CES5A: variants seen among roughly 807,000 people sequenced by gnomAD.
CES5A encodes the protein carboxylesterase 5A.
In CES5A, 67 loss-of-function variants were observed where a neutral mutation model predicts 62.9. The observed-to-expected ratio is 1.07, with a 90% CI of 0.88 to 1.31. CES5A has a LOEUF of 1.31. CES5A is among the 50% of genes most tolerant of loss of function. The pLI, the probability that CES5A is intolerant of heterozygous loss-of-function variation, is 0.00. For missense variants in CES5A, 748 were observed against 708.5 expected (o/e 1.06, Z -0.63); for synonymous variants, 296 against 280.8 (o/e 1.05, Z -0.54).
intron 1 of CES5A, among the ~76,000 whole-genome samples, chr16:55,907,587 A>C (rs1304036291): frequency 2.6e-5 from 4 of 152,232 alleles, no homozygotes; most frequent in African/African-American, 9.6e-5. Flanking sequence ...CATGCAATCA[A>C]ATGGTTCATC....
In CES5A at chr16:55,869,447, T is replaced by A. The variant is rs1249922848; in HGVS notation, c.551+164A>T. The A allele has an allele frequency of 2.3e-6, 3 of 1,287,444 alleles. No homozygotes were observed. The African/African-American group carries it at 4.5e-5, about 20-fold the overall frequency. 79.8% of individuals were successfully genotyped at this position (1,287,444 alleles called of 1,614,324 possible). A position where few individuals can be genotyped will look rare whatever the true frequency, so the allele number is the denominator to read the frequency against. On this transcript the variant is annotated intron_variant, in intron 4 of 12. Coordinates refer to ENST00000290567, the MANE Select transcript of CES5A (RefSeq NM_001143685.2). ...TTATTGTTTCAAGCCACCAACATTT[T>A]GGGATTTATCTGCTACAGCTGCAAA...
At chr16:55,934,108 G>T (rs1190184475) in intron 2 of CES5A, among the ~76,000 whole-genome samples, 1 of 152,086 alleles carries the variant, frequency 6.6e-6, no homozygotes, top group African/African-American at 2.4e-5. Context: ...TTCCTTGACT[G>T]TCCTATTTAA....
At chr16:55,921,013 G>A (rs2142459237) in intron 1 of CES5A, among the ~76,000 whole-genome samples, 1 of 152,186 alleles carries the variant, frequency 6.6e-6, no homozygotes, top group South Asian at 2.1e-4. Flanking sequence ...ACAACAGAAT[G>A]GATCAAGCAA....
upstream of CES5A, among the ~76,000 whole-genome samples, chr16:55,877,604 C>T (rs144124502): frequency 4.4e-3 from 669 of 152,174 alleles, 5 homozygotes; most frequent in Middle Eastern, 6.8e-3. Flanking sequence ...CTAGGTACCA[C>T]TTCTGTCGCA....
chr16:55,912,664 C>T (rs992159785), intron 1 of CES5A, among the ~76,000 whole-genome samples: 2 of 152,006 alleles, frequency 1.3e-5, no homozygotes, highest in Non-Finnish European at 1.5e-5. Flanking sequence ...GAAGAAATAG[C>T]GACCTGGGAA....
At chr16:55,921,854 T>A (rs552105824) in intron 1 of CES5A, among the ~76,000 whole-genome samples, 4 of 152,060 alleles carry the variant, frequency 2.6e-5, no homozygotes, top group South Asian at 4.2e-4. Flanking sequence ...AATATGTAAG[T>A]TGAGACAAAT....
At chr16:55,903,364 T>C (rs2034009536) in intron 1 of CES5A, among the ~76,000 whole-genome samples, 1 of 152,184 alleles carries the variant, frequency 6.6e-6, no homozygotes, top group African/African-American at 2.4e-5. Flanking sequence ...TTTAACAAAC[T>C]AGTTAATGAA....
At chr16:55,872,599 T>C (rs543282953) in intron 2 of CES5A, among the ~76,000 whole-genome samples, 2 of 152,324 alleles carry the variant, frequency 1.3e-5, no homozygotes, top group South Asian at 4.1e-4. Flanking sequence ...GCTTCTACCA[T>C]ACTGTGTACG....
intron 1 of CES5A, among the ~76,000 whole-genome samples, chr16:55,886,900 C>G (rs567906093): frequency 1.3e-5 from 2 of 152,054 alleles, no homozygotes; most frequent in East Asian, 3.9e-4. Context: ...CAAAATGGAG[C>G]TATTTTGTGG....
chr16:55,895,417 G>A (rs920786688), intron 1 of CES5A, among the ~76,000 whole-genome samples: 5 of 152,244 alleles, frequency 3.3e-5, no homozygotes, highest in Non-Finnish European at 7.3e-5. Context: ...CCTCACACCA[G>A]TGTGTTTTGG....
chr16:55,910,862 ACT>A (rs1219343904), intron 1 of CES5A, among the ~76,000 whole-genome samples: 1 of 148,250 alleles, frequency 6.7e-6, no homozygotes, highest in African/African-American at 2.4e-5. Context: ...GCCAACATTC[ACT>A]CTGCTCACAG....
intron 7 of CES5A, among the ~76,000 whole-genome samples, chr16:55,860,610 A>T (rs1481133327): frequency 6.6e-6 from 1 of 152,172 alleles, no homozygotes; most frequent in Non-Finnish European, 1.5e-5. Flanking sequence ...TCTCCCTGAG[A>T]CACAGTGCCT....
intron 2 of CES5A, among the ~76,000 whole-genome samples, chr16:55,948,219 A>G (rs569203748): frequency 5.3e-4 from 81 of 152,280 alleles, no homozygotes; most frequent in African/African-American, 1.9e-3. Context: ...AAGGGCTTCA[A>G]TATTTAACAG....
chr16:55,853,181 C>T (rs1371245749), intron 9 of CES5A, among the ~76,000 whole-genome samples, 153 bp from the exon 10 acceptor site: 10 of 152,142 alleles, frequency 6.6e-5, no homozygotes, highest in African/African-American at 2.4e-4. Flanking sequence ...CAAAACTAGC[C>T]CTGTTTCACA....
At chr16:55,887,382 CAAA>C (rs202239600) in intron 1 of CES5A, among the ~76,000 whole-genome samples, 16 of 91,164 alleles carry the variant, frequency 1.8e-4, no homozygotes, top group Admixed American at 2.3e-4. Flanking sequence ...GGACCAGAGG[CAAA>C]AAAAAAAAAA....
At chr16:55,931,661 C>T (rs1223462686) in intron 2 of CES5A, among the ~76,000 whole-genome samples, 1 of 152,320 alleles carries the variant, frequency 6.6e-6, no homozygotes, top group African/African-American at 2.4e-5. Flanking sequence ...ACTAATAGCC[C>T]TCTGTCCTTT....
chr16:55,864,429 A>G (rs1224136382), intron 5 of CES5A, among the ~76,000 whole-genome samples: 2 of 152,184 alleles, frequency 1.3e-5, no homozygotes, highest in Non-Finnish European at 2.9e-5. Flanking sequence ...TCTTCTCACC[A>G]GTTTCTTGCC....
chr16:55,880,824 A>G (rs2033753965), intron 1 of CES5A, among the ~76,000 whole-genome samples: 1 of 152,236 alleles, frequency 6.6e-6, no homozygotes, highest in African/African-American at 2.4e-5. Flanking sequence ...TCAGCTATCA[A>G]TACAGAGTAC....
intron 1 of CES5A, among the ~76,000 whole-genome samples, chr16:55,918,880 C>G (rs1229085067): frequency 6.6e-6 from 1 of 152,180 alleles, no homozygotes; most frequent in Non-Finnish European, 1.5e-5. Context: ...TCTTAGCAAA[C>G]TTTTATCCCT....
Sources: allele counts gnomAD v4.1 joint callset (sites outside exome capture counted in the v4.1 genomes callset), GRCh38; gene constraint gnomAD v4.1.1; transcripts MANE v1.5; gene names NCBI Gene and HGNC (gene_info 2026-07-23, HGNC 2026-07-21).